Variants in SNX27 observed in about 807,000 individuals in gnomAD.
SNX27 encodes the protein sorting nexin 27.
In SNX27, 22 loss-of-function variants were observed where a neutral mutation model predicts 71.6. That is an observed-to-expected ratio of 0.31 (90% confidence interval 0.22 to 0.44). The LOEUF is 0.44. Ranked by LOEUF, SNX27 falls within the 20% of genes least tolerant of loss-of-function variation. The probability of loss-of-function intolerance (pLI) is 1.00; values close to 1 mark genes in which losing one functional copy is unlikely to be tolerated. For missense variants in SNX27, 531 were observed against 698.6 expected (o/e 0.76, Z 2.70); for synonymous variants, 269 against 277.2 (o/e 0.97, Z 0.29).
rs1415220129 is a variant in SNX27, at chr1:151,697,262, A to T, written c.*2845A>T. 6.6e-6 allele frequency: 1 copy of T among 152,220 alleles called. No homozygotes were observed. The highest frequency in any genetic ancestry group is 1.5e-5 in the Non-Finnish European group (1 of 68,046). The allele number at this position is 152,220 out of a possible 1,614,324, so 9.4% of individuals were successfully genotyped here. ...GCACCAGCTTTGTTCAAACTGTAAA[A>T]ATAGCAATTTGCCCCTACTCGCTCA... On this transcript the variant is annotated 3_prime_UTR_variant, in exon 12 of 12. Coordinates refer to ENST00000458013, the MANE Select transcript of SNX27 (RefSeq NM_001330723.2).
chr1:151,673,173 C>G (rs1306960747), intron 7 of SNX27, among the ~76,000 whole-genome samples: 3 of 151,940 alleles, frequency 2.0e-5, no homozygotes, highest in Non-Finnish European at 4.4e-5. Context: ...TTTTCATGAT[C>G]ATTTATTTCA....
intron 2 of SNX27, among the ~76,000 whole-genome samples, chr1:151,648,298 G>A (rs568432942): frequency 2.6e-5 from 4 of 152,238 alleles, no homozygotes; most frequent in Admixed American, 6.5e-5. Context: ...CAAGTGATCC[G>A]CCAGCCTTGG....
intron 8 of SNX27, among the ~76,000 whole-genome samples, chr1:151,691,580 C>G (rs1671452682): frequency 6.6e-6 from 1 of 150,552 alleles, no homozygotes; most frequent in African/African-American, 2.4e-5. Flanking sequence ...AAGCGATTCT[C>G]CTGCCTCAGC....
intron 7 of SNX27, among the ~76,000 whole-genome samples, chr1:151,674,750 G>A (rs965981130): frequency 2.6e-5 from 4 of 151,792 alleles, no homozygotes; most frequent in Non-Finnish European, 2.9e-5. Flanking sequence ...GCAATGGCGC[G>A]ATCTTGGCTC....
chr1:151,652,455 C>T (rs984439357), intron 2 of SNX27, among the ~76,000 whole-genome samples: 1 of 143,682 alleles, frequency 7.0e-6, no homozygotes, highest in Non-Finnish European at 1.5e-5. Context: ...GTCACCTAGG[C>T]TGGAGTGCAG....
At chr1:151,693,871 C>A in intron 11 of SNX27, 1 of 1,405,134 alleles carries the variant, frequency 7.1e-7, no homozygotes, top group South Asian at 1.7e-5. Context: ...TCTTTCTAGG[C>A]GAACCAAGAA....
At chr1:151,637,577 TTG>T (rs1004991338) in intron 1 of SNX27, among the ~76,000 whole-genome samples, 15 of 152,242 alleles carry the variant, frequency 9.9e-5, no homozygotes, top group African/African-American at 3.4e-4. Flanking sequence ...AGCTAGCTTA[TTG>T]TAAAATTACT....
chr1:151,626,791 G>T (rs1196350), intron 1 of SNX27, among the ~76,000 whole-genome samples: 61,844 of 152,124 alleles, frequency 0.41, 14,422 homozygotes, highest in Non-Finnish European at 0.55. Flanking sequence ...CTTTGAGGTT[G>T]TTGTTTTCTG....
intron 8 of SNX27, among the ~76,000 whole-genome samples, chr1:151,686,794 T>G (rs1671206097): frequency 6.6e-6 from 1 of 152,234 alleles, no homozygotes; most frequent in Non-Finnish European, 1.5e-5. Flanking sequence ...AATTAGTAGT[T>G]GTCACATCAC....
At chr1:151,653,252 GT>G (rs1251115126) in intron 2 of SNX27, among the ~76,000 whole-genome samples, 1 of 150,582 alleles carries the variant, frequency 6.6e-6, no homozygotes, top group Non-Finnish European at 1.5e-5. Flanking sequence ...TTGTTTGTTT[GT>G]TTGTTTTCCA....
chr1:151,635,609 G>A (rs1055747692), intron 1 of SNX27, among the ~76,000 whole-genome samples: 1 of 152,090 alleles, frequency 6.6e-6, no homozygotes, highest in African/African-American at 2.4e-5. Flanking sequence ...AGGAAGGAGG[G>A]CCCTTTTTCA....
In SNX27 at chr1:151,637,170, GTTT is replaced by G. The variant is rs1491041932; in HGVS notation, c.312-1708_312-1706del. On this transcript the variant is annotated intron_variant, in intron 1 of 11. Coordinates refer to ENST00000458013, the MANE Select transcript of SNX27 (RefSeq NM_001330723.2). ...TTGATCACGTTTTTTTTGTTTTTTT[GTTT>G]TTTTTTTTTGAGACAGAGTCTTGCT... 9.4e-4 allele frequency among the ~76,000 whole-genome samples: 31 copies of G among 32,850 alleles called. 1 individual carries two copies. The East Asian group carries it at 0.02, about 22-fold the overall frequency. 21.6% of individuals were successfully genotyped at this position (32,850 alleles called of 152,430 possible). A position where few individuals can be genotyped will look rare whatever the true frequency, so the allele number is the denominator to read the frequency against.
intron 2 of SNX27, among the ~76,000 whole-genome samples, chr1:151,656,966 A>AT (rs1359057517): frequency 1.3e-5 from 2 of 152,232 alleles, no homozygotes; most frequent in Non-Finnish European, 2.9e-5. Flanking sequence ...AAATGCAAAA[A>AT]ATATATAAAA....
chr1:151,613,012 G>A (rs1181090094), intron 1 of SNX27, among the ~76,000 whole-genome samples: 1 of 151,554 alleles, frequency 6.6e-6, no homozygotes, highest in East Asian at 2.0e-4. Context: ...TCCAGACCAA[G>A]TAGGCAGGAC....
chr1:151,677,876 TTCTAAACAGCTTTATTGAG>T (rs1165038049), intron 7 of SNX27: 1 of 152,238 alleles, frequency 6.6e-6, no homozygotes, highest in African/African-American at 2.4e-5. Context: ...CTCAAATGAT[TTCTAAACAGCTTTATTGAG>T]GTATAGTTTA....
chr1:151,646,394 T>C (rs946493790), intron 2 of SNX27, among the ~76,000 whole-genome samples: 1 of 152,016 alleles, frequency 6.6e-6, no homozygotes, highest in Admixed American at 6.6e-5. Context: ...TCTTGTTCTT[T>C]GCTATCTATG....
chr1:151,692,514 G>A lies in SNX27; in HGVS notation c.1319G>A (p.Gly440Glu). ...PHCACDSRRK[G>E]HVITAISITH... Reference sequence around the variant, plus strand: ...TGTGCCTGTGACTCCAGGAGGAAGGGGCACGTTATCACAGCCATCAGCATC... The same window carrying A: ...TGTGCCTGTGACTCCAGGAGGAAGGAGCACGTTATCACAGCCATCAGCATC... Residue 440 changes from glycine to glutamate, a missense_variant, in exon 9 of 12, where the codon GGG becomes GAG. Physicochemically the swap from Gly to Glu is moderately conservative, Grantham distance 98. This residue lies in a region of SNX27 where 157 missense variants were observed against 178.4 expected (regional missense o/e 0.88). Transcript: ENST00000458013. 1 of 1,611,612 alleles carries A rather than the reference G, an allele frequency of 6.2e-7. No homozygotes were observed. The highest frequency in any genetic ancestry group is 8.5e-7 in the Non-Finnish European group (1 of 1,179,326).
At chr1:151,637,056 A>AC (rs1668489720) in intron 1 of SNX27, among the ~76,000 whole-genome samples, 2 of 152,166 alleles carry the variant, frequency 1.3e-5, no homozygotes, top group African/African-American at 4.8e-5. Flanking sequence ...CAATTCTGGT[A>AC]CTAATAGTCA....
chr1:151,686,220 A>G (rs1462970917), intron 8 of SNX27, among the ~76,000 whole-genome samples: 3 of 152,260 alleles, frequency 2.0e-5, no homozygotes, highest in African/African-American at 7.2e-5. Context: ...TAGTATTCCA[A>G]ACACACTATC....
Sources: allele counts gnomAD v4.1 joint callset (sites outside exome capture counted in the v4.1 genomes callset), GRCh38; gene constraint gnomAD v4.1.1; regional missense constraint gnomAD v4.1.1; transcripts MANE v1.5; gene names NCBI Gene and HGNC (gene_info 2026-07-23, HGNC 2026-07-21).